Variants in YME1L1 observed in about 807,000 individuals in gnomAD.
YME1L1 encodes the protein ATP-dependent zinc metalloprotease YME1L1.
YME1L1 carries 39 observed loss-of-function variants against 90.4 expected under a neutral mutation model. The observed-to-expected ratio is 0.43, with a 90% CI of 0.33 to 0.56. YME1L1 has a LOEUF of 0.56. Ranked by LOEUF, YME1L1 falls within the 20% of genes least tolerant of loss-of-function variation. YME1L1 has a pLI of 0.03. For missense variants in YME1L1, 617 were observed against 868.4 expected (o/e 0.71, Z 3.64); for synonymous variants, 284 against 287.3 (o/e 0.99, Z 0.12).
At chr10:27,141,815 G>A (rs571551592) in intron 4 of YME1L1, among the ~76,000 whole-genome samples, 1 of 152,152 alleles carries the variant, frequency 6.6e-6, no homozygotes, top group African/African-American at 2.4e-5. Flanking sequence ...TTCTACTACT[G>A]GAAACAGAAG....
At chr10:27,140,938 A>G (rs912065877) in intron 4 of YME1L1, among the ~76,000 whole-genome samples, 1 of 152,186 alleles carries the variant, frequency 6.6e-6, no homozygotes, top group Non-Finnish European at 1.5e-5. Flanking sequence ...ACATCTTCCA[A>G]CAATAGCTAA....
At chr10:27,145,163 T>C (rs575908635) in intron 3 of YME1L1, among the ~76,000 whole-genome samples, 11 of 152,214 alleles carry the variant, frequency 7.2e-5, no homozygotes, top group South Asian at 4.1e-4. Context: ...ATTGTACCAA[T>C]GTTAATTTCC....
At chr10:27,129,790 A>C (rs2056959365) in intron 8 of YME1L1, among the ~76,000 whole-genome samples, 1 of 152,048 alleles carries the variant, frequency 6.6e-6, no homozygotes, top group East Asian at 1.9e-4. Flanking sequence ...ATTTCAAGTG[A>C]GCACAACAGT....
chr10:27,153,315 G>A (rs76009984), intron 1 of YME1L1: 22,819 of 464,564 alleles, frequency 0.049, 665 homozygotes, highest in African/African-American at 0.082. Context: ...TTAAAATGAG[G>A]GGGAGTAAAA....
intron 2 of YME1L1, 196 bp from the exon 3 acceptor site, chr10:27,145,786 T>A: frequency 2.4e-6 from 1 of 412,676 alleles, no homozygotes; most frequent in Non-Finnish European, 4.1e-6. Flanking sequence ...AGGTTTGACA[T>A]AGGTTAAAAA....
chr10:27,149,123 A>G (rs1033217869), intron 1 of YME1L1, 83 bp from the exon 2 acceptor site: 1 of 1,281,570 alleles, frequency 7.8e-7, no homozygotes, highest in South Asian at 1.4e-5. Flanking sequence ...GGATTTGTTA[A>G]GAGTTAAAGG....
intron 1 of YME1L1, among the ~76,000 whole-genome samples, chr10:27,150,840 C>T (rs965186261): frequency 6.6e-6 from 1 of 151,926 alleles, no homozygotes; most frequent in African/African-American, 2.4e-5. Flanking sequence ...GCCCAAGCAG[C>T]TCCTCTGCCT....
rs189140248 is a variant in YME1L1 at position 27,130,772 on chromosome 10, G to C, written c.858+1087C>G. Among the ~76,000 whole-genome samples the C allele has an allele frequency of 2.0e-5, 3 of 152,330 alleles. No homozygotes were observed. The East Asian group carries it at 5.8e-4, about 29-fold the overall frequency. On this transcript the variant is annotated intron_variant, in intron 8 of 18. Coordinates refer to ENST00000376016, the MANE Select transcript of YME1L1 (RefSeq NM_014263.4). ...GGAGGCTGAGGCAGGAGAATCGCTT[G>C]AATCTGGGAGGTGGAGGTTGCACTG...
intron 1 of YME1L1, among the ~76,000 whole-genome samples, chr10:27,153,468 A>G (rs2057257382): frequency 6.6e-6 from 1 of 152,242 alleles, no homozygotes; most frequent in African/African-American, 2.4e-5. Context: ...ATCTATTAAA[A>G]TGTTACCATC....
At position 27,134,912 on chromosome 10, in the gene YME1L1, G is replaced by T; in HGVS notation, c.610C>A (p.Pro204Thr). The T allele has an allele frequency of 6.2e-7, 1 of 1,613,842 alleles. No homozygotes were observed. The highest frequency in any genetic ancestry group is 8.5e-7 in the Non-Finnish European group (1 of 1,179,980). ...LDKLMKTKNI[P>T]EAHQDAFKTG... Reference sequence around the variant, plus strand: ...TTAAATGCATCTTGGTGAGCTTCAGGTATATTTTTGGTTTTCATGAGTTTG... The same window carrying T: ...TTAAATGCATCTTGGTGAGCTTCAGTTATATTTTTGGTTTTCATGAGTTTG... Residue 204 changes from proline (P) to threonine (T), a missense_variant, in exon 6 of 19, where the codon CCT becomes ACT. Coordinates refer to ENST00000376016, the MANE Select transcript of YME1L1 (RefSeq NM_014263.4).
chr10:27,115,561 C>T (rs1337301675), intron 17 of YME1L1, among the ~76,000 whole-genome samples: 1 of 152,046 alleles, frequency 6.6e-6, no homozygotes, highest in Non-Finnish European at 1.5e-5. Context: ...GCAATACAGT[C>T]TCCTCAGCCT....
rs189211710 is a variant in YME1L1 at position 27,138,446 on chromosome 10, T to C, written c.431-2061A>G. Among the ~76,000 whole-genome samples the C allele has an allele frequency of 2.2e-3, 332 of 152,266 alleles. 4 individuals are homozygous for C. The highest frequency in any genetic ancestry group is 7.7e-3 in the African/African-American group (321 of 41,566). On this transcript the variant is annotated intron_variant, in intron 4 of 18. Transcript: ENST00000376016. ...TGTTGTAATACCTAGTTCTTCCAAA[T>C]AGGATTATGGCCTTATTTTATTTCA...
At chr10:27,114,457 A>T in intron 18 of YME1L1, 64 bp downstream of exon 18, 1 of 1,345,946 alleles carries the variant, frequency 7.4e-7, no homozygotes, top group Non-Finnish European at 1.0e-6. Context: ...GTTATTTTTT[A>T]AGAACCTGAC....
rs537995918 is a variant in YME1L1, at chr10:27,121,509, T to C, written c.1236-61A>G. 4.5e-5 allele frequency: 54 copies of C among 1,201,498 alleles called. No homozygotes were observed. The African/African-American group carries it at 7.8e-4, about 17-fold the overall frequency. The allele number at this position is 1,201,498 out of a possible 1,614,324, so 74.4% of individuals were successfully genotyped here. A position where few individuals can be genotyped will look rare whatever the true frequency, so the allele number is the denominator to read the frequency against. ...CTGAAGCACAGCACACATGTAGAAA[T>C]GCTCTACACAAAACTGGTTTGTTTT... On this transcript the variant is annotated intron_variant, in intron 11 of 18. Coordinates refer to ENST00000376016, the MANE Select transcript of YME1L1 (RefSeq NM_014263.4).
At chr10:27,128,826 T>C (rs1365563157) in intron 8 of YME1L1, among the ~76,000 whole-genome samples, 4 of 152,014 alleles carry the variant, frequency 2.6e-5, no homozygotes, top group Non-Finnish European at 5.9e-5. Context: ...GGAGGATGGC[T>C]GGAGCCCAGG....
At chr10:27,141,372 AAAAACAAAAC>A (rs968209253) in intron 4 of YME1L1, among the ~76,000 whole-genome samples, 2 of 152,180 alleles carry the variant, frequency 1.3e-5, no homozygotes, top group Non-Finnish European at 2.9e-5. Flanking sequence ...ACTCCATCTC[AAAAACAAAAC>A]AAAACAAAAC....
At chr10:27,131,807 G>C (rs1296779017) in intron 8 of YME1L1, 52 bp downstream of exon 8, 12 of 1,365,334 alleles carry the variant, frequency 8.8e-6, no homozygotes, top group East Asian at 2.3e-5. Flanking sequence ...ACCTCATATA[G>C]AGTATCAATT....
chr10:27,153,991 G>A (rs573179464), intron 1 of YME1L1, among the ~76,000 whole-genome samples, 187 bp downstream of exon 1: 3 of 152,224 alleles, frequency 2.0e-5, no homozygotes, highest in South Asian at 4.1e-4. Flanking sequence ...CAGCTTCATC[G>A]TCAGCACTGA....
At chr10:27,124,362 G>A (rs1263519352) in intron 9 of YME1L1, among the ~76,000 whole-genome samples, 1 of 152,092 alleles carries the variant, frequency 6.6e-6, no homozygotes, top group Non-Finnish European at 1.5e-5. Context: ...GATGTTAATT[G>A]TACTGTTCTT....
Sources: gnomAD v4.1 joint callset for allele counts (sites outside exome capture counted in the v4.1 genomes callset) on GRCh38, gnomAD v4.1.1 for gene constraint, MANE v1.5 for transcripts, NCBI Gene and HGNC (gene_info 2026-07-23, HGNC 2026-07-21) for gene names.